Variants in SHISA9 observed in about 807,000 individuals in gnomAD.
The protein encoded by SHISA9 is protein shisa-9.
SHISA9 carries 13 observed loss-of-function variants against 38.0 expected under a neutral mutation model. The ratio of observed to expected loss-of-function variants is 0.34; its 90% CI spans 0.22 to 0.54. SHISA9 has a LOEUF of 0.54. Among genes scored for constraint, SHISA9 ranks in the 20% least tolerant of loss-of-function variants. The probability of loss-of-function intolerance (pLI) is 0.91; values close to 1 mark genes in which losing one functional copy is unlikely to be tolerated. For synonymous variants in SHISA9, 275 were observed against 242.0 expected (o/e 1.14, Z -1.27); for missense variants, 538 against 575.8 (o/e 0.93, Z 0.67).
intron 2 of SHISA9, among the ~76,000 whole-genome samples, chr16:13,165,656 CCT>C (rs994686966): frequency 2.0e-5 from 3 of 152,186 alleles, no homozygotes; most frequent in African/African-American, 7.2e-5. Context: ...TAATGTCTTT[CCT>C]CTCTGTCTTC....
the SHISA9 span, among the ~76,000 whole-genome samples, chr16:13,287,099 A>G: frequency 6.6e-6 from 1 of 152,196 alleles, no homozygotes; most frequent in Non-Finnish European, 1.5e-5. Context: ...CACTAGAAGA[A>G]GGAAAATGTA....
intron 2 of SHISA9, among the ~76,000 whole-genome samples, chr16:12,921,245 G>A (rs1184865030): frequency 6.6e-6 from 1 of 152,166 alleles, no homozygotes; most frequent in African/African-American, 2.4e-5. Context: ...TGATGTTTTA[G>A]AACATAAAAT....
At chr16:13,328,608 ACACACAC>A in the SHISA9 span, among the ~76,000 whole-genome samples, 1 of 141,562 alleles carries the variant, frequency 7.1e-6, no homozygotes. Flanking sequence ...ACACACACAC[ACACACAC>A]ACACACACAC....
chr16:13,472,377 ATTTTTTTTTTTTTTTTTTT>A, the SHISA9 span, among the ~76,000 whole-genome samples: 1 of 55,416 alleles, frequency 1.8e-5, no homozygotes, highest in Non-Finnish European at 3.2e-5. Flanking sequence ...GCTCTGCTAA[ATTTTTTTTTTTTTTTTTTT>A]TTTTTTTTTT....
At chr16:13,012,986 G>A (rs1006721731) in intron 2 of SHISA9, among the ~76,000 whole-genome samples, 2 of 152,174 alleles carry the variant, frequency 1.3e-5, no homozygotes, top group African/African-American at 4.8e-5. Flanking sequence ...GGAGGGGCGT[G>A]GAGGGAGACA....
the SHISA9 span, among the ~76,000 whole-genome samples, chr16:13,280,288 C>T: frequency 2.6e-5 from 4 of 151,534 alleles, no homozygotes; most frequent in Admixed American, 2.0e-4. Context: ...AACCTCTGAG[C>T]TTGAGAGCCT....
chr16:13,215,842 G>A (rs1411220459), intron 4 of SHISA9, among the ~76,000 whole-genome samples: 1 of 152,114 alleles, frequency 6.6e-6, no homozygotes, highest in Non-Finnish European at 1.5e-5. Context: ...TGGTAGCAAG[G>A]TTAGGGAGTT....
the SHISA9 span, among the ~76,000 whole-genome samples, chr16:13,430,160 T>C: frequency 0.042 from 6,350 of 152,286 alleles, 311 homozygotes; most frequent in African/African-American, 0.11. Flanking sequence ...TCAGACGTCT[T>C]GTCTCTAGAA....
the SHISA9 span, among the ~76,000 whole-genome samples, chr16:13,487,060 A>T: frequency 1.3e-5 from 2 of 152,206 alleles, no homozygotes; most frequent in African/African-American, 4.8e-5. Context: ...TAGGCTAAGT[A>T]GTTGCCAGCC....
the SHISA9 span, among the ~76,000 whole-genome samples, chr16:13,475,321 C>T: frequency 6.2e-4 from 63 of 101,078 alleles, no homozygotes; most frequent in African/African-American, 2.7e-3. Flanking sequence ...CATATATATG[C>T]TTAATATATA....
At chr16:13,019,921 T>C (rs1354564879) in intron 2 of SHISA9, among the ~76,000 whole-genome samples, 5 of 92,178 alleles carry the variant, frequency 5.4e-5, no homozygotes, top group Non-Finnish European at 1.2e-4. Context: ...CTTTCTTTCT[T>C]TCTTTCTTTC....
At chr16:13,032,079 C>G (rs557126765) in intron 2 of SHISA9, among the ~76,000 whole-genome samples, 1 of 151,704 alleles carries the variant, frequency 6.6e-6, no homozygotes, top group Admixed American at 6.6e-5. Flanking sequence ...CATAGGTATA[C>G]GTGTGCCATG....
At chr16:13,532,533 GAATAATACTATGTGC>G in the SHISA9 span, among the ~76,000 whole-genome samples, 1 of 146,252 alleles carries the variant, frequency 6.8e-6, no homozygotes, top group Non-Finnish European at 1.5e-5. Flanking sequence ...CAGTATGATG[GAATAATACTATGTGC>G]GTGTGTGTAT....
At chr16:12,968,400 G>A (rs984636471) in intron 2 of SHISA9, among the ~76,000 whole-genome samples, 42 of 152,002 alleles carry the variant, frequency 2.8e-4, no homozygotes, top group Non-Finnish European at 2.4e-4. Flanking sequence ...TATGGTCTAC[G>A]TATATGATGG....
the SHISA9 span, among the ~76,000 whole-genome samples, chr16:13,276,099 C>A: frequency 6.6e-6 from 1 of 151,868 alleles, no homozygotes; most frequent in Non-Finnish European, 1.5e-5. Flanking sequence ...CCTAAGTCCC[C>A]AAAGTCCATT....
At chr16:13,314,029 G>A in the SHISA9 span, among the ~76,000 whole-genome samples, 12 of 149,148 alleles carry the variant, frequency 8.0e-5, no homozygotes, top group Admixed American at 1.3e-4. Context: ...CTTTTGCTCT[G>A]CTAACAATAA....
At chr16:13,122,329 C>A (rs970146543) in intron 2 of SHISA9, among the ~76,000 whole-genome samples, 1 of 152,116 alleles carries the variant, frequency 6.6e-6, no homozygotes, top group Non-Finnish European at 1.5e-5. Context: ...TCTTGCCAAG[C>A]CACCAACAAT....
chr16:13,035,600 G>A (rs976051108), intron 2 of SHISA9, among the ~76,000 whole-genome samples: 5 of 151,696 alleles, frequency 3.3e-5, no homozygotes, highest in Admixed American at 6.6e-5. Flanking sequence ...GAGTGATGTC[G>A]GCTCACTGCA....
chr16:13,254,176 A>G, the SHISA9 span, among the ~76,000 whole-genome samples: 2 of 152,214 alleles, frequency 1.3e-5, no homozygotes, highest in Non-Finnish European at 1.5e-5. Flanking sequence ...CAATTTGCAT[A>G]CATTAGCAGT....
Sources: allele counts gnomAD v4.1 joint callset (sites outside exome capture counted in the v4.1 genomes callset), GRCh38; gene constraint gnomAD v4.1.1; transcripts MANE v1.5; gene names NCBI Gene and HGNC (gene_info 2026-07-23, HGNC 2026-07-21).